LRP1B: variants seen among roughly 807,000 people sequenced by gnomAD.
LRP1B encodes LDL receptor related protein 1B.
Under a neutral mutation model 556.6 loss-of-function variants are expected in LRP1B, and 217 were observed. The ratio of observed to expected loss-of-function variants is 0.39; its 90% CI spans 0.35 to 0.44. LRP1B has a LOEUF of 0.44. LRP1B is among the 20% of genes least tolerant of loss of function. The pLI, the probability that LRP1B is intolerant of heterozygous loss-of-function variation, is 1.00. For synonymous variants in LRP1B, 2,047 were observed against 1,865.8 expected, an observed-to-expected ratio of 1.10 and a Z score of -2.50; for missense variants, 5,053 against 5,620.8, an observed-to-expected ratio of 0.90 and a Z score of 3.23.
intron 84 of LRP1B, among the ~76,000 whole-genome samples, chr2:140,294,917 G>A (rs770720917): frequency 5.3e-5 from 8 of 152,022 alleles, no homozygotes; most frequent in Non-Finnish European, 1.0e-4. Flanking sequence ...TTGGTCTGTC[G>A]CCAGGCTGGA....
At chr2:141,851,984 C>G (rs1189236485) in intron 1 of LRP1B, among the ~76,000 whole-genome samples, 1 of 151,630 alleles carries the variant, frequency 6.6e-6, no homozygotes, top group East Asian at 1.9e-4. Flanking sequence ...CTCATTGTTT[C>G]CAATCCTAAT....
intron 7 of LRP1B, among the ~76,000 whole-genome samples, chr2:141,102,463 C>G (rs1053196865): frequency 6.6e-6 from 1 of 152,016 alleles, no homozygotes; most frequent in African/African-American, 2.4e-5. Context: ...CAAACATAAC[C>G]GTGCTCATAT....
chr2:141,604,834 C>T (rs1687857521), intron 2 of LRP1B, among the ~76,000 whole-genome samples: 1 of 152,018 alleles, frequency 6.6e-6, no homozygotes, highest in Admixed American at 6.5e-5. Flanking sequence ...AAATTCTTCC[C>T]CATCCTCCTC....
intron 1 of LRP1B, among the ~76,000 whole-genome samples, chr2:141,858,876 A>G (rs1005899200): frequency 3.9e-5 from 6 of 152,152 alleles, no homozygotes; most frequent in Admixed American, 3.9e-4. Context: ...GGAAATTATT[A>G]TTATCAATTA....
intron 7 of LRP1B, among the ~76,000 whole-genome samples, chr2:141,066,078 T>A (rs1408235183): frequency 1.3e-5 from 2 of 152,008 alleles, no homozygotes; most frequent in African/African-American, 4.8e-5. Flanking sequence ...TAGTTTCCAC[T>A]AACAAAAATT....
Position 141,977,310 on chromosome 2 carries a change from G to A in LRP1B, c.82+153338C>T, listed in dbSNP as rs148554888. On this transcript the variant is annotated intron_variant, in intron 1 of 90. Transcript: ENST00000389484. The stretch of plus-strand genomic sequence containing the variant: ...AAGGCCACTGGGCACGGTGGCTCAC[G>A]ACTATAATCCCAGCACTTTGGGAGG... Among the ~76,000 whole-genome samples, 1,043 of 152,166 alleles carry A rather than the reference G, an allele frequency of 6.9e-3. 15 individuals are homozygous for A. The highest frequency in any genetic ancestry group is 0.024 in the African/African-American group (1,010 of 41,514).
chr2:141,579,705 G>A (rs539839198), intron 2 of LRP1B, among the ~76,000 whole-genome samples: 2 of 135,510 alleles, frequency 1.5e-5, no homozygotes, highest in East Asian at 4.3e-4. Flanking sequence ...ATTTCATAAG[G>A]AAAACATATC....
At position 141,335,486 on chromosome 2, in the gene LRP1B, C is replaced by T. The variant is rs75502902; in HGVS notation, c.344-80845G>A. ...TCACGCTAAGGACCTTGTCTGCCATCAAAGATATTTGGAATTTATCATTCA... is the reference window on the plus strand; with the variant it reads ...TCACGCTAAGGACCTTGTCTGCCATTAAAGATATTTGGAATTTATCATTCA... On this transcript the variant is annotated intron_variant, in intron 3 of 90. Transcript: ENST00000389484. 4.6e-3 allele frequency among the ~76,000 whole-genome samples: 698 copies of T among 152,212 alleles called. 9 individuals are homozygous for T. The highest frequency in any genetic ancestry group is 0.015 in the African/African-American group (630 of 41,520).
At chr2:141,345,656 ATTT>A (rs758109848) in intron 3 of LRP1B, among the ~76,000 whole-genome samples, 658 of 131,016 alleles carry the variant, frequency 5.0e-3, no homozygotes, top group African/African-American at 0.013. Context: ...TACCTGGCTA[ATTT>A]TTTTTTTTTT....
chr2:141,049,057 G>T lies in LRP1B; in HGVS notation c.1718C>A (p.Ala573Asp). 6.2e-7 allele frequency: 1 copy of T among 1,613,590 alleles called. No homozygotes were observed. The highest frequency in any genetic ancestry group is 8.5e-7 in the Non-Finnish European group (1 of 1,179,690). ...GCCAATTAGGAAACTGGTGGTGTCA[G>T]CAAAGTAGATGTAATTGGTTTCTGC... ...FHAETNYIYF[A>D]DTTSFLIGRQ... Residue 573 changes from alanine to aspartate, a missense_variant, in exon 11 of 91, where the codon GCT becomes GAT. Ala to Asp is a moderately radical substitution (Grantham distance 126). Around this residue, in one of 5 missense-constraint regions of LRP1B, gnomAD observed 3,619 missense variants for 3,931.9 expected, o/e 0.92. Coordinates refer to ENST00000389484, the MANE Select transcript of LRP1B (RefSeq NM_018557.3).
chr2:140,262,964 C>T (rs750984964), intron 86 of LRP1B, among the ~76,000 whole-genome samples: 4 of 152,100 alleles, frequency 2.6e-5, no homozygotes, highest in Non-Finnish European at 5.9e-5. Context: ...GACAACATTG[C>T]CCAGGCTGAA....
chr2:141,669,245 A>G (rs549357036), intron 2 of LRP1B, among the ~76,000 whole-genome samples: 1 of 152,242 alleles, frequency 6.6e-6, no homozygotes, highest in East Asian at 1.9e-4. Flanking sequence ...AGATTAGTAA[A>G]CAGATACACA....
intron 32 of LRP1B, among the ~76,000 whole-genome samples, chr2:140,793,529 G>A (rs1465851759): frequency 2.0e-5 from 3 of 151,844 alleles, no homozygotes; most frequent in Admixed American, 1.3e-4. Flanking sequence ...AAAATTTACT[G>A]ACTAGAAATA....
intron 2 of LRP1B, among the ~76,000 whole-genome samples, chr2:141,767,389 G>A (rs1188505525): frequency 2.0e-5 from 3 of 152,016 alleles, no homozygotes; most frequent in African/African-American, 7.2e-5. Context: ...CCAAGCAGGA[G>A]AAAGCATGTA....
chr2:142,060,704 G>C (rs772316042), intron 1 of LRP1B, among the ~76,000 whole-genome samples: 7 of 152,024 alleles, frequency 4.6e-5, no homozygotes, highest in Admixed American at 6.6e-5. Context: ...TATGTTTTAA[G>C]AGAATACATA....
chr2:141,708,088 C>A (rs759201711), intron 2 of LRP1B, among the ~76,000 whole-genome samples: 13 of 152,038 alleles, frequency 8.6e-5, no homozygotes, highest in African/African-American at 2.9e-4. Context: ...GAGTAAAGGA[C>A]AAAAGAAAAT....
chr2:140,306,439 A>AT (rs1684070562), intron 83 of LRP1B, among the ~76,000 whole-genome samples: 1 of 151,908 alleles, frequency 6.6e-6, no homozygotes, highest in South Asian at 2.1e-4. Context: ...GTTTATTTGC[A>AT]TAGAGGTGTT....
intron 65 of LRP1B, among the ~76,000 whole-genome samples, chr2:140,443,779 CAA>C: frequency 6.6e-6 from 1 of 151,768 alleles, no homozygotes; most frequent in African/African-American, 2.4e-5. Context: ...TGAAAAGAAA[CAA>C]AATATTTTAC....
At chr2:142,019,021 T>A (rs999819506) in intron 1 of LRP1B, among the ~76,000 whole-genome samples, 2 of 152,204 alleles carry the variant, frequency 1.3e-5, no homozygotes, top group African/African-American at 4.8e-5. Context: ...CACTGTTTCA[T>A]AGAAAAGCTT....
Sources: allele counts gnomAD v4.1 joint callset (sites outside exome capture counted in the v4.1 genomes callset), GRCh38; gene constraint gnomAD v4.1.1; regional missense constraint gnomAD v4.1.1; transcripts MANE v1.5; gene names NCBI Gene and HGNC (gene_info 2026-07-23, HGNC 2026-07-21).